DTNA: variants seen among roughly 807,000 people sequenced by gnomAD.
DTNA encodes dystrobrevin alpha, also known as dystrophin-related protein 3.
Under a neutral mutation model 100.7 loss-of-function variants are expected in DTNA, and 43 were observed. The ratio of observed to expected loss-of-function variants is 0.43; its 90% CI spans 0.33 to 0.55. The LOEUF is 0.55. Ranked by LOEUF, DTNA falls within the 20% of genes least tolerant of loss-of-function variation. The pLI is 0.04. For missense variants in DTNA, 798 were observed against 953.9 expected (o/e 0.84, Z 2.15); for synonymous variants, 349 against 347.9 (o/e 1.00, Z -0.04).
chr18:34,670,293 C>T (rs1160825786), intron 1 of DTNA, among the ~76,000 whole-genome samples: 1 of 152,160 alleles, frequency 6.6e-6, no homozygotes, highest in African/African-American at 2.4e-5. Flanking sequence ...AAGGACTTCT[C>T]TGCATTGGTT....
At chr18:34,504,478 T>C (rs994469633) in intron 1 of DTNA, among the ~76,000 whole-genome samples, 4 of 152,224 alleles carry the variant, frequency 2.6e-5, no homozygotes, top group Non-Finnish European at 5.9e-5. Context: ...TGTTTCCTTT[T>C]TGTTTTAAGA....
intron 1 of DTNA, among the ~76,000 whole-genome samples, chr18:34,558,349 G>A (rs2046321015): frequency 6.6e-6 from 1 of 152,208 alleles, no homozygotes; most frequent in African/African-American, 2.4e-5. Flanking sequence ...CACCCTGGGA[G>A]CTGTAGACTG....
intron 1 of DTNA, among the ~76,000 whole-genome samples, chr18:34,522,790 C>T (rs952612646): frequency 1.3e-5 from 2 of 152,204 alleles, no homozygotes; most frequent in African/African-American, 4.8e-5. Context: ...AGGCTGGCCG[C>T]TCTGCTGAAG....
intron 1 of DTNA, among the ~76,000 whole-genome samples, chr18:34,569,710 T>C (rs1269344418): frequency 6.6e-6 from 1 of 152,160 alleles, no homozygotes; most frequent in Non-Finnish European, 1.5e-5. Flanking sequence ...AAAGTTGATA[T>C]TGCAGTGCAC....
intron 11 of DTNA, 96 bp downstream of exon 11, chr18:34,829,585 C>T (rs959891720): frequency 1.7e-5 from 21 of 1,272,232 alleles, no homozygotes; most frequent in Middle Eastern, 2.0e-4. Flanking sequence ...TCTCATAGTA[C>T]GTCTTATTGG....
At chr18:34,818,889 C>A (rs1602609625) in intron 8 of DTNA, among the ~76,000 whole-genome samples, 3 of 152,184 alleles carry the variant, frequency 2.0e-5, no homozygotes, top group African/African-American at 2.4e-5. Flanking sequence ...GAGTGACCAA[C>A]CTGGCAAAGG....
At chr18:34,846,033 C>A (rs2096371480) in intron 13 of DTNA, among the ~76,000 whole-genome samples, 1 of 152,088 alleles carries the variant, frequency 6.6e-6, no homozygotes, top group Non-Finnish European at 1.5e-5. Context: ...ATTTAGGTTT[C>A]ATTTCACGTA....
At chr18:34,761,126 TCACACACACACACACACACACA>T (rs6146260) in intron 2 of DTNA, among the ~76,000 whole-genome samples, 1 of 149,204 alleles carries the variant, frequency 6.7e-6, no homozygotes, top group Non-Finnish European at 1.5e-5. Flanking sequence ...CCTCCATCCT[TCACACACACACACACACACACA>T]CACACACACA....
At chr18:34,629,420 T>C (rs2057776642) in intron 1 of DTNA, among the ~76,000 whole-genome samples, 1 of 152,220 alleles carries the variant, frequency 6.6e-6, no homozygotes, top group Admixed American at 6.5e-5. Flanking sequence ...TATCCTTTTA[T>C]CTTACTTTCT....
At position 34,498,650 on chromosome 18, in the gene DTNA, C is replaced by T. The variant is rs559993728; in HGVS notation, c.-2+5136C>T. ...AGCCTATTTGACAGCAAGTGAAAGT[C>T]TAGAACAGTGCCAATACCTGCCCAC... On this transcript the variant is annotated intron_variant, in intron 1 of 19. Coordinates refer to the DTNA transcript ENST00000283365. Among the ~76,000 whole-genome samples, 6 of 152,032 alleles carry T rather than the reference C, an allele frequency of 3.9e-5. No homozygotes were observed. In the East Asian group the frequency reaches 1.2e-3, roughly 29 times the overall value.
rs955637286 is a variant in DTNA, at chr18:34,689,938, A to G, written c.-1-66038A>G. Among the ~76,000 whole-genome samples, 6 of 152,136 alleles carry G rather than the reference A, an allele frequency of 3.9e-5. No homozygotes were observed. In the East Asian group the frequency reaches 5.8e-4, roughly 15 times the overall value. On this transcript the variant is annotated intron_variant, in intron 1 of 19. Coordinates refer to the DTNA transcript ENST00000283365. Reference sequence around the variant, plus strand: ...GTCTGAACTCCCAGTGGCTTTGTTTACACTGTGAGAGGAAAACCACCTACT... The same window carrying G: ...GTCTGAACTCCCAGTGGCTTTGTTTGCACTGTGAGAGGAAAACCACCTACT...
chr18:34,798,777 C>A (rs1348809480), intron 4 of DTNA, among the ~76,000 whole-genome samples: 1 of 152,070 alleles, frequency 6.6e-6, no homozygotes, highest in African/African-American at 2.4e-5. Flanking sequence ...AAGATGTACT[C>A]AGTATTTACT....
intron 1 of DTNA, among the ~76,000 whole-genome samples, chr18:34,590,953 A>G (rs1244752849): frequency 6.6e-6 from 1 of 152,138 alleles, no homozygotes; most frequent in Non-Finnish European, 1.5e-5. Context: ...GATTTCTAAG[A>G]CTGGCACAAA....
At chr18:34,554,774 T>A (rs1361186948) in intron 1 of DTNA, among the ~76,000 whole-genome samples, 2 of 144,660 alleles carry the variant, frequency 1.4e-5, no homozygotes, top group Non-Finnish European at 3.0e-5. Context: ...GGATTTGTTT[T>A]GCCAGTATTT....
intron 1 of DTNA, among the ~76,000 whole-genome samples, chr18:34,556,780 C>T (rs1465988375): frequency 6.6e-6 from 1 of 151,938 alleles, no homozygotes; most frequent in African/African-American, 2.4e-5. Flanking sequence ...GTAACCCAAC[C>T]TTTCTCTCTG....
rs528388834 is a variant in DTNA at position 34,877,484 on chromosome 18, A to G, written c.1904-235A>G. 4.6e-5 allele frequency among the ~76,000 whole-genome samples: 7 copies of G among 152,298 alleles called. No individual in the cohort carries two copies. The South Asian group carries it at 1.5e-3, about 32-fold the overall frequency. On this transcript the variant is annotated intron_variant, in intron 18 of 22. Coordinates refer to ENST00000444659, the MANE Select transcript of DTNA (RefSeq NM_001386795.1). ...AAAATTGTCCCCATATGGACAAATA[A>G]TATATGAAACTCCATCATTAGCCAT...
In DTNA at chr18:34,544,875, A is replaced by T. The variant is rs529864741; in HGVS notation, c.-2+51361A>T. Among the ~76,000 whole-genome samples the T allele has an allele frequency of 4.0e-4, 61 of 152,016 alleles. 1 individual carries two copies. Among genetic ancestry groups the T allele is most frequent in the African/African-American group, 1.4e-3 (60 of 41,510 alleles). On this transcript the variant is annotated intron_variant, in intron 1 of 19. Coordinates refer to the DTNA transcript ENST00000283365. ...CTGGGCAATATGTGTCCATTACCAA[A>T]AGGGGCCCTTAGGATACTGTCAGAA...
At position 34,687,948 on chromosome 18, in the gene DTNA, G is replaced by A. The variant is rs542239123; in HGVS notation, c.-1-68028G>A. On this transcript the variant is annotated intron_variant, in intron 1 of 19. Transcript: ENST00000283365. ...GTTTAAAGTCTGTTTTATCAGAGAC[G>A]AGGATTGCAACTTCTGCTTTTTTTT... 3.9e-4 allele frequency among the ~76,000 whole-genome samples: 59 copies of A among 152,014 alleles called. 1 individual carries two copies. The South Asian group carries it at 6.9e-3, about 18-fold the overall frequency.
At chr18:34,684,148 G>C (rs1443384553) in intron 1 of DTNA, among the ~76,000 whole-genome samples, 2 of 151,946 alleles carry the variant, frequency 1.3e-5, no homozygotes, top group Non-Finnish European at 2.9e-5. Flanking sequence ...TGTGATGGGA[G>C]ATTTTTATGT....
Sources: gnomAD v4.1 joint callset for allele counts (sites outside exome capture counted in the v4.1 genomes callset) on GRCh38, gnomAD v4.1.1 for gene constraint, MANE v1.5 for transcripts, NCBI Gene and HGNC (gene_info 2026-07-23, HGNC 2026-07-21) for gene names.